Variants in PKHD1 observed in about 807,000 individuals in gnomAD.
The protein encoded by PKHD1 is PKHD1 ciliary IPT domain containing fibrocystin/polyductin.
A neutral mutation model predicts 412.0 loss-of-function variants in PKHD1; 291 were observed. The observed-to-expected ratio is 0.71, with a 90% CI of 0.64 to 0.78. The LOEUF (loss-of-function observed/expected upper bound fraction) is 0.78, where lower values mean the gene tolerates loss of function less well. PKHD1 is among the 30% of genes least tolerant of loss of function. PKHD1 has a pLI of 0.00. For synonymous variants in PKHD1, 1,777 were observed against 1,821.5 expected (o/e 0.98, Z 0.62); for missense variants, 4,825 against 4,950.7 (o/e 0.97, Z 0.76).
At chr6:52,021,056 T>A (rs1022405885) in intron 33 of PKHD1, among the ~76,000 whole-genome samples, 12 of 152,204 alleles carry the variant, frequency 7.9e-5, no homozygotes, top group Admixed American at 7.9e-4. Flanking sequence ...TCTTTAGACA[T>A]TGTGATTGAA....
At chr6:52,062,723 T>A in intron 13 of PKHD1, 63 bp from the exon 14 acceptor site, 1 of 1,596,926 alleles carries the variant, frequency 6.3e-7, no homozygotes. Flanking sequence ...GGGAATTACT[T>A]TATTTTAAAT....
intron 37 of PKHD1, among the ~76,000 whole-genome samples, chr6:51,931,343 A>G (rs1398459159): frequency 6.6e-6 from 1 of 152,184 alleles, no homozygotes; most frequent in Non-Finnish European, 1.5e-5. Context: ...AAAACAGTGA[A>G]TCAAGTTGCT....
intron 60 of PKHD1, among the ~76,000 whole-genome samples, chr6:51,711,001 A>G (rs1780592405): frequency 6.6e-6 from 1 of 152,146 alleles, no homozygotes. Flanking sequence ...TACTTTAGCC[A>G]CTGATGAGGC....
intron 55 of PKHD1, among the ~76,000 whole-genome samples, chr6:51,759,764 T>C (rs1256534995): frequency 1.3e-5 from 2 of 152,240 alleles, no homozygotes; most frequent in South Asian, 2.1e-4. Context: ...CTTATAACTA[T>C]TCTATTAGCA....
rs1772594937 is a variant in PKHD1 at position 51,660,070 on chromosome 6, T to C, written c.10157-101A>G. 1.7e-5 allele frequency: 13 copies of C among 757,732 alleles called. No homozygotes were observed. In the South Asian group the frequency reaches 1.9e-4, roughly 11 times the overall value. The allele number at this position is 757,732 out of a possible 1,614,324, so 46.9% of individuals were successfully genotyped here. A position where few individuals can be genotyped will look rare whatever the true frequency, so the allele number is the denominator to read the frequency against. On this transcript the variant is annotated intron_variant, in intron 60 of 66. Coordinates refer to ENST00000371117, the MANE Select transcript of PKHD1 (RefSeq NM_138694.4). ...TGCCATCATCTATAACTGGATAAAA[T>C]ATTTATTAAACATCTAATTGTGCCA...
intron 36 of PKHD1, among the ~76,000 whole-genome samples, chr6:51,940,063 GCT>G (rs914737980): frequency 9.2e-5 from 14 of 151,460 alleles, no homozygotes; most frequent in African/African-American, 2.9e-4. Flanking sequence ...TAGCATTTAG[GCT>G]CTTTTTCATC....
At position 51,856,054 on chromosome 6, in the gene PKHD1, C is replaced by A; in HGVS notation, c.7750G>T (p.Val2584Phe). 1 of 1,601,750 alleles carries A rather than the reference C, an allele frequency of 6.2e-7. No individual in the cohort carries two copies. The highest frequency in any genetic ancestry group is 8.6e-7 in the Non-Finnish European group (1 of 1,169,270). The part of the protein sequence containing the change: ...MSIGLANTPE[V>F]SYDLTMTDSR... ...TCAGTCATGGTTAAATCATAAGAAA[C>A]TTCAGGAGTATTCGCTCTAAGGTGA... The change falls in exon 49 of 67, where the codon GTT becomes TTT. Residue 2584 changes from valine (V) to phenylalanine (F), a missense_variant. Physicochemically the swap from Val to Phe is conservative, Grantham distance 50. Coordinates refer to ENST00000371117, the MANE Select transcript of PKHD1 (RefSeq NM_138694.4).
intron 40 of PKHD1, among the ~76,000 whole-genome samples, chr6:51,908,842 G>T (rs748375159): frequency 6.6e-6 from 1 of 152,050 alleles, no homozygotes; most frequent in Non-Finnish European, 1.5e-5. Flanking sequence ...ACTTTACATA[G>T]AAGTGCCTGG....
chr6:52,060,601 GATA>G (rs1808528297), intron 14 of PKHD1, among the ~76,000 whole-genome samples: 1 of 152,074 alleles, frequency 6.6e-6, no homozygotes, highest in Non-Finnish European at 1.5e-5. Context: ...TTTTTTAAAA[GATA>G]ATATTTTTAA....
At chr6:51,937,512 G>T (rs991177075) in intron 36 of PKHD1, among the ~76,000 whole-genome samples, 12 of 152,192 alleles carry the variant, frequency 7.9e-5, no homozygotes, top group Non-Finnish European at 1.6e-4. Context: ...TGACTCAATA[G>T]TCAAATATGG....
In PKHD1 at chr6:51,906,065, T is replaced by A. The variant is rs1782025787; in HGVS notation, c.6808+150A>T. 4 of 686,394 alleles carry A rather than the reference T, an allele frequency of 5.8e-6. No individual in the cohort carries two copies. In the South Asian group the frequency reaches 6.5e-5, roughly 11 times the overall value. The allele number at this position is 686,394 out of a possible 1,614,324, so 42.5% of individuals were successfully genotyped here. On this transcript the variant is annotated intron_variant, in intron 41 of 66. Transcript: ENST00000371117. Reference sequence around the variant, plus strand: ...TAAGCCAATCAGTGATGACTACATTTAAATTTAGAATGTTTTACTGTAGCC... The same window carrying A: ...TAAGCCAATCAGTGATGACTACATTAAAATTTAGAATGTTTTACTGTAGCC...
At chr6:51,981,537 T>C (rs1286455019) in intron 35 of PKHD1, among the ~76,000 whole-genome samples, 1 of 151,508 alleles carries the variant, frequency 6.6e-6, no homozygotes, top group East Asian at 1.9e-4. Flanking sequence ...CGGGCTGGTC[T>C]CCAGCTCCTA....
chr6:51,678,341 C>T (rs1361245003), intron 60 of PKHD1, among the ~76,000 whole-genome samples: 2 of 152,268 alleles, frequency 1.3e-5, no homozygotes, highest in East Asian at 3.9e-4. Context: ...GAGAAAAACA[C>T]ATGTTAATAA....
chr6:52,058,184 G>C (rs1808075393), intron 16 of PKHD1, 139 bp downstream of exon 16: 7 of 780,532 alleles, frequency 9.0e-6, no homozygotes, highest in Non-Finnish European at 1.6e-5. Context: ...TCACAATGCT[G>C]TTAAAGAGAT....
At chr6:51,782,051 A>G (rs1461893905) in intron 53 of PKHD1, among the ~76,000 whole-genome samples, 1 of 151,166 alleles carries the variant, frequency 6.6e-6, no homozygotes, top group South Asian at 2.1e-4. Flanking sequence ...TAATAAATTT[A>G]TATGATTAAT....
In PKHD1 at chr6:51,659,459, C is replaced by T. The variant is rs756591563; in HGVS notation, c.10667G>A (p.Arg3556His). 54 of 1,613,486 alleles carry T rather than the reference C, an allele frequency of 3.3e-5. No homozygotes were observed. Among genetic ancestry groups the T allele is most frequent in the Non-Finnish European group, 4.2e-5 (49 of 1,179,808 alleles). Residue 3556 changes from arginine (R) to histidine (H), a missense_variant, in exon 61 of 67, where the codon CGC becomes CAC. Physicochemically the swap from Arg to His is conservative, Grantham distance 29. Transcript: ENST00000371117. ...GGCCAAGTGAATGGAAACACCTGAG[C>T]GTATTTCAATGGGCTCCTCTCCTTG... ...VLQGEEPIEI[R>H]SGVSIHLALT...
chr6:52,001,742 T>TA (rs1463223327), intron 35 of PKHD1, among the ~76,000 whole-genome samples: 4 of 151,810 alleles, frequency 2.6e-5, no homozygotes, highest in South Asian at 2.1e-4. Flanking sequence ...CCTTCTTTTT[T>TA]AAAAAAAGAA....
intron 35 of PKHD1, among the ~76,000 whole-genome samples, chr6:51,988,284 T>G (rs1796452223): frequency 6.6e-6 from 1 of 152,160 alleles, no homozygotes; most frequent in Non-Finnish European, 1.5e-5. Context: ...TATAGGTAAT[T>G]TATGCCTCAA....
At chr6:51,798,109 T>C (rs1794874754) in intron 52 of PKHD1, among the ~76,000 whole-genome samples, 1 of 152,188 alleles carries the variant, frequency 6.6e-6, no homozygotes, top group African/African-American at 2.4e-5. Flanking sequence ...CCAGGTGCAG[T>C]GGCTCGTGCC....
Sources: allele counts gnomAD v4.1 joint callset (sites outside exome capture counted in the v4.1 genomes callset), GRCh38; gene constraint gnomAD v4.1.1; transcripts MANE v1.5; gene names NCBI Gene and HGNC (gene_info 2026-07-23, HGNC 2026-07-21).